Variants in ESRRG observed in about 807,000 individuals in gnomAD.
The protein encoded by ESRRG is estrogen related receptor gamma, also known as estrogen-related receptor gamma.
In ESRRG, 13 loss-of-function variants were observed where a neutral mutation model predicts 44.0. The observed-to-expected ratio is 0.30, with a 90% CI of 0.19 to 0.47. The LOEUF is 0.47. ESRRG is among the 20% of genes least tolerant of loss of function. The pLI is 1.00. For missense variants in ESRRG, 395 were observed against 580.6 expected (o/e 0.68, Z 3.29); for synonymous variants, 215 against 214.6 (o/e 1.00, Z -0.02).
At chr1:216,671,349 G>A (rs2075133243) in intron 2 of ESRRG, among the ~76,000 whole-genome samples, 1 of 152,190 alleles carries the variant, frequency 6.6e-6, no homozygotes, top group Non-Finnish European at 1.5e-5. Context: ...CACCATCAGT[G>A]AGAAATGGCT....
At chr1:216,771,082 C>T (rs1017538335) in intron 2 of ESRRG, among the ~76,000 whole-genome samples, 1 of 152,136 alleles carries the variant, frequency 6.6e-6, no homozygotes, top group African/African-American at 2.4e-5. Flanking sequence ...TCAAGGGATC[C>T]TCCTGCTCCA....
At chr1:216,875,451 A>G (rs2096334928) in intron 2 of ESRRG, among the ~76,000 whole-genome samples, 1 of 152,094 alleles carries the variant, frequency 6.6e-6, no homozygotes, top group African/African-American at 2.4e-5. Flanking sequence ...CTAACTTCTA[A>G]TATCTCAGAT....
chr1:217,089,574 C>G (rs2092293108), exon 1 of ESRRG: 1 of 152,210 alleles, frequency 6.6e-6, no homozygotes, highest in Non-Finnish European at 1.5e-5. Flanking sequence ...AAGCCGAAGC[C>G]GGTTTCTTTG....
intron 1 of ESRRG, among the ~76,000 whole-genome samples, chr1:216,981,968 G>A (rs1218829743): frequency 6.6e-6 from 1 of 152,218 alleles, no homozygotes; most frequent in Non-Finnish European, 1.5e-5. Flanking sequence ...AGTAATGGGA[G>A]CTCTCTTTCC....
Position 217,136,025 on chromosome 1 carries a change from A to G in ESRRG, c.-230+1642T>C, listed in dbSNP as rs1185296995. Reference sequence around the variant, plus strand: ...ATTTAATTTTATTAGAATTTACAGTAGTGGTGTTAATTTTTGCGGAAGGGG... The same window carrying G: ...ATTTAATTTTATTAGAATTTACAGTGGTGGTGTTAATTTTTGCGGAAGGGG... On this transcript the variant is annotated intron_variant, in intron 1 of 8. Coordinates refer to the ESRRG transcript ENST00000366940. 4.6e-5 allele frequency among the ~76,000 whole-genome samples: 7 copies of G among 152,066 alleles called. No individual in the cohort carries two copies. The East Asian group carries it at 1.4e-3, about 29-fold the overall frequency.
chr1:216,710,462 GC>G (rs1315991525), intron 1 of ESRRG, among the ~76,000 whole-genome samples: 1 of 152,006 alleles, frequency 6.6e-6, no homozygotes, highest in African/African-American at 2.4e-5. Flanking sequence ...GCAACCAATT[GC>G]TTTTTTTGAA....
intron 1 of ESRRG, among the ~76,000 whole-genome samples, chr1:217,059,439 T>C (rs956747385): frequency 1.6e-4 from 25 of 152,114 alleles, no homozygotes; most frequent in Non-Finnish European, 2.2e-4. Context: ...TAATATTTCT[T>C]ACCCAAAGAA....
upstream of ESRRG, among the ~76,000 whole-genome samples, chr1:217,090,888 G>A (rs369488575): frequency 6.6e-5 from 10 of 152,304 alleles, no homozygotes; most frequent in East Asian, 1.9e-3. Context: ...GAATCAGTAG[G>A]AGTGGTCTCA....
At chr1:216,558,596 T>C (rs2058065325) in intron 5 of ESRRG, among the ~76,000 whole-genome samples, 1 of 152,174 alleles carries the variant, frequency 6.6e-6, no homozygotes, top group South Asian at 2.1e-4. Context: ...TACATTTAGA[T>C]CATGCTTTAT....
chr1:217,086,309 TAGGTACATTTCA>T (rs1352356943), intron 1 of ESRRG, among the ~76,000 whole-genome samples: 1 of 152,218 alleles, frequency 6.6e-6, no homozygotes, highest in African/African-American at 2.4e-5. Flanking sequence ...CAAATTGTAT[TAGGTACATTTCA>T]ATGCTGTAGC....
chr1:216,654,975 T>C (rs1033796295), intron 2 of ESRRG, among the ~76,000 whole-genome samples: 49 of 152,182 alleles, frequency 3.2e-4, no homozygotes, highest in African/African-American at 1.1e-3. Flanking sequence ...GAATGACTCA[T>C]CTAGGAATAA....
intron 2 of ESRRG, among the ~76,000 whole-genome samples, chr1:216,786,689 G>A (rs2094138324): frequency 6.6e-6 from 1 of 152,122 alleles, no homozygotes; most frequent in Non-Finnish European, 1.5e-5. Flanking sequence ...ATTACAACGA[G>A]TACATATGTG....
chr1:216,564,992 T>A (rs1332712670), intron 4 of ESRRG, among the ~76,000 whole-genome samples: 1 of 152,122 alleles, frequency 6.6e-6, no homozygotes, highest in South Asian at 2.1e-4. Context: ...ACCCAGCCAG[T>A]CTTCCAAATA....
chr1:216,834,440 A>G (rs544669348), intron 2 of ESRRG, among the ~76,000 whole-genome samples: 2 of 152,242 alleles, frequency 1.3e-5, no homozygotes, highest in Admixed American at 6.5e-5. Flanking sequence ...AAAAATCAAC[A>G]TAACTCTACC....
rs149479995 is a variant in ESRRG at position 216,951,865 on chromosome 1, C to T, written c.-105-12192G>A. The stretch of plus-strand genomic sequence containing the variant: ...AAGAAAACACACACACAGACATATA[C>T]ACATACTATATATACATATGTTTGC... On this transcript the variant is annotated intron_variant, in intron 1 of 7. Coordinates refer to the ESRRG transcript ENST00000359162. 3.8e-3 allele frequency among the ~76,000 whole-genome samples: 573 copies of T among 150,936 alleles called. 3 individuals are homozygous for T. The highest frequency in any genetic ancestry group is 6.4e-3 in the Non-Finnish European group (433 of 67,748).
chr1:216,616,709 TTCTC>T (rs10550835), intron 3 of ESRRG, among the ~76,000 whole-genome samples: 64,132 of 151,696 alleles, frequency 0.42, 14,637 homozygotes, highest in African/African-American at 0.6. Context: ...TTCCTCCCTC[TTCTC>T]TCTATTATCT....
chr1:216,848,630 T>C (rs1329004078), intron 2 of ESRRG, among the ~76,000 whole-genome samples: 3 of 152,230 alleles, frequency 2.0e-5, no homozygotes, highest in South Asian at 4.2e-4. Flanking sequence ...CTATCACTCC[T>C]CCAGCGATCT....
At chr1:217,060,231 A>G (rs966711021) in intron 1 of ESRRG, among the ~76,000 whole-genome samples, 4 of 152,128 alleles carry the variant, frequency 2.6e-5, no homozygotes, top group African/African-American at 9.7e-5. Context: ...AAAAATATAT[A>G]TATTTTTAAA....
chr1:217,044,167 C>T (rs867247413), intron 1 of ESRRG, among the ~76,000 whole-genome samples: 5 of 152,278 alleles, frequency 3.3e-5, no homozygotes, highest in South Asian at 2.1e-4. Flanking sequence ...CGTCTTCTTC[C>T]TCCATAGGAT....
Sources: allele counts gnomAD v4.1 joint callset (sites outside exome capture counted in the v4.1 genomes callset), GRCh38; gene constraint gnomAD v4.1.1; transcripts MANE v1.5; gene names NCBI Gene and HGNC (gene_info 2026-07-23, HGNC 2026-07-21).